Variants in QPCT observed in about 807,000 individuals in gnomAD.
QPCT encodes the protein EC.
QPCT carries 44 observed loss-of-function variants against 43.4 expected under a neutral mutation model. The ratio of observed to expected loss-of-function variants is 1.01; its 90% CI spans 0.80 to 1.30. The LOEUF is 1.30. Ranked by LOEUF, QPCT falls within the 50% of genes most tolerant of loss-of-function variation. The pLI is 0.00. For missense variants in QPCT, 526 were observed against 436.5 expected (o/e 1.21, Z -1.83); for synonymous variants, 168 against 168.4 (o/e 1.00, Z 0.02).
At chr2:37,351,824 G>A (rs1264781831) in intron 1 of QPCT, among the ~76,000 whole-genome samples, 1 of 152,194 alleles carries the variant, frequency 6.6e-6, no homozygotes, top group Non-Finnish European at 1.5e-5. Context: ...AGAGGTTGCA[G>A]TGAGCCAAGA....
rs1673107256 is a variant in QPCT at position 37,372,770 on chromosome 2, C to T, written c.1029C>T (p.Thr343=). 1 of 1,612,976 alleles carries T rather than the reference C, an allele frequency of 6.2e-7. No individual in the cohort carries two copies. The change falls in exon 7 of 7, where the codon ACC becomes ACT. Residue 343 remains threonine, a synonymous_variant. Coordinates refer to ENST00000338415, the MANE Select transcript of QPCT (RefSeq NM_012413.4). ...ATGAAGAAAATTTGGATGAATCAAC[C>T]ATTGACAATCTAAACAAAATCCTAC... The part of the protein sequence containing the change: ...DDNEENLDES[T]IDNLNKILQV...
intron 6 of QPCT, 103 bp from the exon 7 acceptor site, chr2:37,372,579 C>A: frequency 1.4e-6 from 2 of 1,476,448 alleles, no homozygotes; most frequent in Non-Finnish European, 9.4e-7. Flanking sequence ...GAATTATCAG[C>A]TGTCTTTATG....
At chr2:37,367,204 G>T (rs373917833) in intron 3 of QPCT, 28 bp from the exon 4 acceptor site, 26 of 1,570,972 alleles carry the variant, frequency 1.7e-5, no homozygotes, top group Middle Eastern at 3.4e-4. Flanking sequence ...GTATTTTTTT[G>T]CTATGTTTTT....
chr2:37,347,170 T>TATATATAAAAC (rs1553384232), intron 1 of QPCT, among the ~76,000 whole-genome samples: 1 of 52,850 alleles, frequency 1.9e-5, no homozygotes, highest in East Asian at 1.8e-3. Context: ...ATATAACATA[T>TATATATAAAAC]ATATATATAA....
At chr2:37,372,327 T>C in intron 5 of QPCT, 29 bp from the exon 6 acceptor site, 1 of 1,449,232 alleles carries the variant, frequency 6.9e-7, no homozygotes, top group Non-Finnish European at 9.7e-7. Context: ...AAAATAGTTG[T>C]TCATTTACTG....
intron 4 of QPCT, 105 bp from the exon 5 acceptor site, chr2:37,369,580 C>T: frequency 4.8e-6 from 4 of 825,670 alleles, no homozygotes; most frequent in Non-Finnish European, 8.2e-6. Context: ...CCATATTATT[C>T]TCAATTACTG....
intron 3 of QPCT, among the ~76,000 whole-genome samples, chr2:37,363,659 T>TAAAAAAAA (rs58100358): frequency 8.8e-5 from 7 of 79,164 alleles, no homozygotes; most frequent in Non-Finnish European, 1.1e-4. Flanking sequence ...TTTTAAAATG[T>TAAAAAAAA]AAAAAAAAAA....
intron 3 of QPCT, among the ~76,000 whole-genome samples, chr2:37,366,610 C>A (rs183224968): frequency 6.6e-6 from 1 of 152,330 alleles, no homozygotes; most frequent in Non-Finnish European, 1.5e-5. Flanking sequence ...CCCCAAGAAG[C>A]GCCCTCTGAC....
chr2:37,347,773 A>G (rs1188927342), intron 1 of QPCT, among the ~76,000 whole-genome samples: 1 of 152,190 alleles, frequency 6.6e-6, no homozygotes, highest in Non-Finnish European at 1.5e-5. Flanking sequence ...TCAACTAGCT[A>G]TTAAACAGAA....
chr2:37,347,164 A>ATATATATATATATATATAT (rs555548922), intron 1 of QPCT, among the ~76,000 whole-genome samples: 25 of 29,778 alleles, frequency 8.4e-4, no homozygotes, highest in Admixed American at 1.3e-3. Flanking sequence ...ATATATATAT[A>ATATATATATATATATATAT]ACATATATAT....
At chr2:37,371,462 G>T (rs1447104010) in intron 5 of QPCT, among the ~76,000 whole-genome samples, 14 of 138,464 alleles carry the variant, frequency 1.0e-4, no homozygotes, top group East Asian at 2.9e-4. Context: ...AGAAAAAGTT[G>T]TGTCTCATGG....
intron 1 of QPCT, among the ~76,000 whole-genome samples, chr2:37,350,312 G>C (rs1410911251): frequency 6.6e-6 from 1 of 152,190 alleles, no homozygotes; most frequent in African/African-American, 2.4e-5. Context: ...AACCATGGAA[G>C]TCTTCTGACC....
At chr2:37,372,089 G>A (rs1673087864) in intron 5 of QPCT, among the ~76,000 whole-genome samples, 1 of 152,026 alleles carries the variant, frequency 6.6e-6, no homozygotes, top group East Asian at 1.9e-4. Flanking sequence ...TCTCTTCACT[G>A]TTCTGTGGAG....
At chr2:37,371,519 G>A (rs551791496) in intron 5 of QPCT, among the ~76,000 whole-genome samples, 1 of 151,470 alleles carries the variant, frequency 6.6e-6, no homozygotes, top group Non-Finnish European at 1.5e-5. Context: ...ATTGTTTTTG[G>A]TGGTAGTTAG....
intron 2 of QPCT, among the ~76,000 whole-genome samples, chr2:37,356,338 C>T (rs919153676): frequency 6.6e-6 from 1 of 152,118 alleles, no homozygotes; most frequent in African/African-American, 2.4e-5. Context: ...CTCACTTTTT[C>T]TCTTTCTCCC....
chr2:37,347,218 C>CATATATAT lies in QPCT; in HGVS notation c.120+2371_120+2378dup, dbSNP rs74206514. ...ACATATATATATAACATATATATAA[C>CATATATAT]ATATATATATAACATATATATATAT... On this transcript the variant is annotated intron_variant, in intron 1 of 6. Transcript: ENST00000338415. Among the ~76,000 whole-genome samples, 54 of 62,334 alleles carry CATATATAT rather than the reference C, an allele frequency of 8.7e-4. 1 individual carries two copies. The highest frequency in any genetic ancestry group is 1.9e-3 in the South Asian group (4 of 2,070). The allele number at this position is 62,334 out of a possible 152,430, so 40.9% of individuals were successfully genotyped here.
chr2:37,354,181 C>G (rs1167433062), intron 2 of QPCT, among the ~76,000 whole-genome samples: 2 of 152,168 alleles, frequency 1.3e-5, no homozygotes, highest in Non-Finnish European at 2.9e-5. Context: ...TCCTTTCTGC[C>G]CAGTGTACAG....
At position 37,367,908 on chromosome 2, in the gene QPCT, T is replaced by C. The variant is rs540691279; in HGVS notation, c.723+500T>C. Among the ~76,000 whole-genome samples the C allele has an allele frequency of 3.3e-5, 5 of 152,238 alleles. No homozygotes were observed. The South Asian group carries it at 8.3e-4, about 25-fold the overall frequency. On this transcript the variant is annotated intron_variant, in intron 4 of 6. Transcript: ENST00000338415. The stretch of plus-strand genomic sequence containing the variant: ...AAGAAAAATTGCTGGTTAGAAGCCA[T>C]GTTTGACTGAGCTTAATTAAAATGA...
intron 5 of QPCT, 26 bp downstream of exon 5, chr2:37,369,810 A>G (rs750351619): frequency 2.0e-6 from 3 of 1,507,000 alleles, no homozygotes; most frequent in South Asian, 2.3e-5. Flanking sequence ...ATTAATGAAT[A>G]AAACATCATT....
Sources: gnomAD v4.1 joint callset for allele counts (sites outside exome capture counted in the v4.1 genomes callset) on GRCh38, gnomAD v4.1.1 for gene constraint, MANE v1.5 for transcripts, NCBI Gene and HGNC (gene_info 2026-07-23, HGNC 2026-07-21) for gene names.